FHIP2A: variants seen among roughly 807,000 people sequenced by gnomAD.
FHIP2A encodes the protein family with sequence similarity 160 member B1.
In FHIP2A, 46 loss-of-function variants were observed where a neutral mutation model predicts 93.5. The ratio of observed to expected loss-of-function variants is 0.49; its 90% confidence interval spans 0.39 to 0.63. The LOEUF (loss-of-function observed/expected upper bound fraction) is 0.63. Ranked by LOEUF, FHIP2A falls within the 20% of genes least tolerant of loss-of-function variation. The probability of loss-of-function intolerance (pLI) is 0.00; values close to 1 mark genes in which losing one functional copy is unlikely to be tolerated. For synonymous variants in FHIP2A, 332 were observed against 326.5 expected (o/e 1.02, Z -0.18); for missense variants, 769 against 909.7 (o/e 0.85, Z 1.99).
intron 14 of FHIP2A, among the ~76,000 whole-genome samples, chr10:114,859,441 A>T (rs1481334636): frequency 6.6e-6 from 1 of 152,172 alleles, no homozygotes; most frequent in Non-Finnish European, 1.5e-5. Context: ...AGAGTGAAAC[A>T]TTCCGCTGTG....
chr10:114,826,503 T>C (rs1320383023), intron 1 of FHIP2A, among the ~76,000 whole-genome samples: 1 of 152,232 alleles, frequency 6.6e-6, no homozygotes, highest in Non-Finnish European at 1.5e-5. Context: ...ACATAAAAAG[T>C]GCTCAGTAAA....
At chr10:114,835,762 G>A in intron 4 of FHIP2A, 121 bp downstream of exon 4, 2 of 621,960 alleles carry the variant, frequency 3.2e-6, no homozygotes, top group Non-Finnish European at 5.3e-6. Context: ...ATGCAAGTTA[G>A]CAAATACTTG....
At chr10:114,845,544 GAATCCCTAATTTATATCCCA>G (rs1395407529) in intron 8 of FHIP2A, 63 bp downstream of exon 8, 1 of 981,828 alleles carries the variant, frequency 1.0e-6, no homozygotes, top group Non-Finnish European at 1.5e-6. Flanking sequence ...AGTGAAATTG[GAATCCCTAATTTATATCCCA>G]AATACATTTT....
chr10:114,836,043 C>A, intron 4 of FHIP2A, 81 bp from the exon 5 acceptor site: 2 of 1,073,858 alleles, frequency 1.9e-6, no homozygotes, highest in South Asian at 3.5e-5. Flanking sequence ...TTTAAATATC[C>A]TTAAGGTAAA....
chr10:114,889,249 G>A (rs949408979), intron 16 of FHIP2A, among the ~76,000 whole-genome samples: 1 of 152,162 alleles, frequency 6.6e-6, no homozygotes, highest in Admixed American at 6.5e-5. Flanking sequence ...CAAAGAAAAG[G>A]TTGAGAGGAG....
intron 16 of FHIP2A, among the ~76,000 whole-genome samples, chr10:114,881,379 G>A (rs1195760823): frequency 6.6e-6 from 1 of 152,150 alleles, no homozygotes; most frequent in African/African-American, 2.4e-5. Context: ...TTTCCTGGGG[G>A]CTGAGACGCT....
chr10:114,895,937 T>G (rs754699257), intron 16 of FHIP2A, among the ~76,000 whole-genome samples: 1 of 152,224 alleles, frequency 6.6e-6, no homozygotes, highest in Non-Finnish European at 1.5e-5. Flanking sequence ...TATCAATTTA[T>G]TCTCATTACT....
intron 3 of FHIP2A, among the ~76,000 whole-genome samples, chr10:114,835,055 C>T (rs2083629046): frequency 6.6e-6 from 1 of 152,154 alleles, no homozygotes; most frequent in African/African-American, 2.4e-5. Context: ...CAGTTTACAC[C>T]ATAGGTTTCC....
At chr10:114,841,084 G>T (rs1368910975) in intron 5 of FHIP2A, among the ~76,000 whole-genome samples, 1 of 152,026 alleles carries the variant, frequency 6.6e-6, no homozygotes, top group Non-Finnish European at 1.5e-5. Context: ...ATGGGACCCA[G>T]GAATCTGCAT....
intron 16 of FHIP2A, among the ~76,000 whole-genome samples, chr10:114,883,519 A>T (rs768344494): frequency 4.6e-5 from 7 of 152,200 alleles, no homozygotes; most frequent in African/African-American, 1.2e-4. Flanking sequence ...TCTATACTGG[A>T]TGAAAATAAA....
chr10:114,847,723 A>T (rs1326327407), intron 12 of FHIP2A, among the ~76,000 whole-genome samples: 3 of 150,798 alleles, frequency 2.0e-5, no homozygotes, highest in Non-Finnish European at 4.4e-5. Context: ...CTGTGGTTAA[A>T]TGAACCCTCA....
chr10:114,889,686 G>A (rs2083961000), intron 16 of FHIP2A, among the ~76,000 whole-genome samples: 1 of 152,188 alleles, frequency 6.6e-6, no homozygotes, highest in South Asian at 2.1e-4. Context: ...ACCCTGACCT[G>A]CAGTGGAGCA....
chr10:114,893,444 G>A (rs1273168854), intron 16 of FHIP2A, among the ~76,000 whole-genome samples: 1 of 152,206 alleles, frequency 6.6e-6, no homozygotes, highest in East Asian at 1.9e-4. Context: ...CGGGAACAGA[G>A]TTAGTCTAAT....
chr10:114,844,334 CT>C (rs2083687577), intron 7 of FHIP2A, among the ~76,000 whole-genome samples: 1 of 152,190 alleles, frequency 6.6e-6, no homozygotes, highest in Admixed American at 6.5e-5. Context: ...ATTCTTTCAC[CT>C]CTTCTTCCTA....
intron 1 of FHIP2A, among the ~76,000 whole-genome samples, chr10:114,826,833 A>G (rs2143009478): frequency 6.6e-6 from 1 of 152,320 alleles, no homozygotes; most frequent in Non-Finnish European, 1.5e-5. Context: ...ATCTTTACTA[A>G]AAATACAAAA....
At chr10:114,876,663 C>A (rs2083890809) in intron 16 of FHIP2A, among the ~76,000 whole-genome samples, 1 of 152,148 alleles carries the variant, frequency 6.6e-6, no homozygotes, top group African/African-American at 2.4e-5. Context: ...TCTGGACAAG[C>A]TTCCCAGGGG....
At chr10:114,830,270 C>CTTTTTTTTT (rs5788083) in intron 1 of FHIP2A, among the ~76,000 whole-genome samples, 1 of 105,448 alleles carries the variant, frequency 9.5e-6, no homozygotes, top group African/African-American at 3.8e-5. Context: ...CTGAAACCTA[C>CTTTTTTTTT]TTTTTTTTTT....
intron 14 of FHIP2A, among the ~76,000 whole-genome samples, chr10:114,858,583 C>CT (rs11454222): frequency 0.14 from 19,191 of 140,624 alleles, 1,356 homozygotes; most frequent in East Asian, 0.22. Context: ...ATTTTTTCTA[C>CT]TTTTTTTTTT....
intron 16 of FHIP2A, among the ~76,000 whole-genome samples, chr10:114,891,219 A>AATATATATATATATATATATAT (rs67046628): frequency 2.9e-5 from 4 of 138,480 alleles, no homozygotes; most frequent in Admixed American, 7.5e-5. Flanking sequence ...AACAACAACA[A>AATATATATATATATATATATAT]ATATATATAT....
Sources: gnomAD v4.1 joint callset for allele counts (sites outside exome capture counted in the v4.1 genomes callset) on GRCh38, gnomAD v4.1.1 for gene constraint, MANE v1.5 for transcripts, NCBI Gene and HGNC (gene_info 2026-07-23, HGNC 2026-07-21) for gene names.